The following PAN3 variants were observed in gnomAD, a reference collection of about 807,000 sequenced individuals.
The protein encoded by PAN3 is PAN2-PAN3 deadenylation complex subunit PAN3.
A neutral mutation model predicts 96.2 loss-of-function variants in PAN3; 19 were observed. The ratio of observed to expected loss-of-function variants is 0.20; its 90% CI spans 0.14 to 0.29. The LOEUF (loss-of-function observed/expected upper bound fraction) is 0.29. Among genes scored for constraint, PAN3 ranks in the 10% least tolerant of loss-of-function variants. The pLI is 1.00. For synonymous variants in PAN3, 433 were observed against 406.6 expected (o/e 1.06, Z -0.78); for missense variants, 882 against 1,108.1 (o/e 0.80, Z 2.90).
chr13:28,194,370 G>C (rs1370472175), intron 4 of PAN3, among the ~76,000 whole-genome samples: 1 of 148,556 alleles, frequency 6.7e-6, no homozygotes, highest in Non-Finnish European at 1.5e-5. Flanking sequence ...GTTAATTTTA[G>C]CTCAGAAATT....
At chr13:28,236,870 C>CGTTTT (rs923101939) in intron 6 of PAN3, among the ~76,000 whole-genome samples, 11 of 152,150 alleles carry the variant, frequency 7.2e-5, no homozygotes, top group African/African-American at 1.4e-4. Flanking sequence ...CTTCCCAAAG[C>CGTTTT]GTTTTGTTTT....
At chr13:28,164,593 G>A (rs1237694044) in intron 1 of PAN3, among the ~76,000 whole-genome samples, 1 of 152,114 alleles carries the variant, frequency 6.6e-6, no homozygotes, top group Non-Finnish European at 1.5e-5. Flanking sequence ...AGTAAATTTG[G>A]GAAGTACTCT....
intron 4 of PAN3, among the ~76,000 whole-genome samples, chr13:28,179,635 T>C (rs2138129237): frequency 6.6e-6 from 1 of 151,856 alleles, no homozygotes; most frequent in African/African-American, 2.4e-5. Context: ...GCCTGGGCGG[T>C]TGAGGCTGCA....
intron 12 of PAN3, 117 bp downstream of exon 12, chr13:28,267,518 C>CT: frequency 7.1e-6 from 6 of 841,532 alleles, no homozygotes; most frequent in Non-Finnish European, 1.1e-5. Flanking sequence ...TTTAAAGACT[C>CT]TATTACATTT....
chr13:28,247,180 C>CT (rs144681186), intron 6 of PAN3, among the ~76,000 whole-genome samples: 16,201 of 152,102 alleles, frequency 0.11, 1,086 homozygotes, highest in Middle Eastern at 0.19. Context: ...TAATGCTGGA[C>CT]TTTTTTCATA....
intron 18 of PAN3, among the ~76,000 whole-genome samples, chr13:28,288,878 G>A (rs1205357820): frequency 3.2e-5 from 4 of 126,882 alleles, no homozygotes; most frequent in African/African-American, 1.2e-4. Context: ...CCAGGCTGGA[G>A]TGCAGTGGCG....
intron 17 of PAN3, among the ~76,000 whole-genome samples, chr13:28,285,629 G>T (rs1566261583): frequency 6.6e-6 from 1 of 151,982 alleles, no homozygotes; most frequent in African/African-American, 2.4e-5. Flanking sequence ...AATTCTCATC[G>T]CTCAGATGTT....
chr13:28,206,670 A>G (rs1431911921), intron 5 of PAN3, among the ~76,000 whole-genome samples: 1 of 151,636 alleles, frequency 6.6e-6, no homozygotes, highest in African/African-American at 2.4e-5. Flanking sequence ...CTCTGCTACA[A>G]TTGACAGTTG....
intron 13 of PAN3, among the ~76,000 whole-genome samples, chr13:28,271,704 A>G (rs1292330732): frequency 6.6e-6 from 1 of 152,212 alleles, no homozygotes; most frequent in Non-Finnish European, 1.5e-5. Context: ...TGGAATGGTG[A>G]AAAGGACACT....
chr13:28,267,498 A>T lies in PAN3; in HGVS notation c.1792+97A>T, dbSNP rs117768771. The T allele has an allele frequency of 3.0e-4, 304 of 1,020,334 alleles. 1 individual carries two copies. The highest frequency in any genetic ancestry group is 8.7e-4 in the Middle Eastern group (3 of 3,446). 63.2% of individuals were successfully genotyped at this position (1,020,334 alleles called of 1,614,324 possible). A position where few individuals can be genotyped will look rare whatever the true frequency, so the allele number is the denominator to read the frequency against. ...TAAAATACGTATAATTTTTCCCTGT[A>T]ATCATTTAGTTTAAAGACTCTATTA... On this transcript the variant is annotated intron_variant, in intron 12 of 18. Transcript: ENST00000380958.
At chr13:28,173,822 A>AT (rs1375383813) in intron 1 of PAN3, among the ~76,000 whole-genome samples, 1 of 151,986 alleles carries the variant, frequency 6.6e-6, no homozygotes, top group Non-Finnish European at 1.5e-5. Context: ...ACCTCTGCAG[A>AT]TTTTTTTCCC....
chr13:28,247,086 A>C (rs2138533690), intron 6 of PAN3, among the ~76,000 whole-genome samples: 1 of 151,896 alleles, frequency 6.6e-6, no homozygotes, highest in Non-Finnish European at 1.5e-5. Context: ...AGTATTCATT[A>C]TTTTTGTCTT....
chr13:28,190,899 C>T (rs1877162772), intron 4 of PAN3, among the ~76,000 whole-genome samples: 1 of 152,138 alleles, frequency 6.6e-6, no homozygotes, highest in South Asian at 2.1e-4. Context: ...TTTTGTTATA[C>T]AATGTTAACT....
At chr13:28,263,971 C>T (rs1210679394) in intron 9 of PAN3, among the ~76,000 whole-genome samples, 1 of 152,104 alleles carries the variant, frequency 6.6e-6, no homozygotes, top group Non-Finnish European at 1.5e-5. Flanking sequence ...TCTGACTATC[C>T]CTTCCCGCGT....
chr13:28,157,178 C>A (rs575175047), intron 1 of PAN3, among the ~76,000 whole-genome samples: 2 of 151,924 alleles, frequency 1.3e-5, no homozygotes, highest in African/African-American at 2.4e-5. Flanking sequence ...ATTCAACATC[C>A]CTTCATGTTA....
At chr13:28,217,660 A>G (rs1426990914) in intron 5 of PAN3, among the ~76,000 whole-genome samples, 5 of 152,134 alleles carry the variant, frequency 3.3e-5, no homozygotes, top group Non-Finnish European at 7.4e-5. Flanking sequence ...AATGAACATT[A>G]ATTTTTTTAA....
At chr13:28,214,945 G>T (rs773516311) in intron 5 of PAN3, 2 of 1,368,286 alleles carry the variant, frequency 1.5e-6, no homozygotes. Flanking sequence ...TACACACTGG[G>T]TGTGAAACAA....
intron 1 of PAN3, among the ~76,000 whole-genome samples, chr13:28,148,767 C>G (rs2137955048): frequency 6.6e-6 from 1 of 152,270 alleles, no homozygotes; most frequent in African/African-American, 2.4e-5. Context: ...GCCTAATGTA[C>G]TCTGAATTTT....
At chr13:28,204,582 T>G (rs1879132088) in intron 5 of PAN3, among the ~76,000 whole-genome samples, 1 of 152,242 alleles carries the variant, frequency 6.6e-6, no homozygotes, top group Non-Finnish European at 1.5e-5. Context: ...GCAGTGACAC[T>G]TGGTCTCTTT....
Sources: gnomAD v4.1 joint callset for allele counts (sites outside exome capture counted in the v4.1 genomes callset) on GRCh38, gnomAD v4.1.1 for gene constraint, MANE v1.5 for transcripts, NCBI Gene and HGNC (gene_info 2026-07-23, HGNC 2026-07-21) for gene names.